The following DPYSL4 variants were observed in gnomAD, a reference collection of about 807,000 sequenced individuals.
DPYSL4 encodes dihydropyrimidinase like 4, also known as dihydropyrimidinase-related protein 4.
In DPYSL4, 43 loss-of-function variants were observed where a neutral mutation model predicts 63.4. The ratio of observed to expected loss-of-function variants is 0.68; its 90% confidence interval spans 0.53 to 0.88. DPYSL4 has a LOEUF of 0.88. Ranked by LOEUF, DPYSL4 falls within the 40% of genes least tolerant of loss-of-function variation. The pLI, the probability that DPYSL4 is intolerant of heterozygous loss-of-function variation, is 0.00. For missense variants in DPYSL4, 733 were observed against 819.5 expected (o/e 0.89, Z 1.29); for synonymous variants, 353 against 331.7 (o/e 1.06, Z -0.70).
Position 132,198,501 on chromosome 10 carries a change from C to A in DPYSL4, c.690+18C>A. On this transcript the variant is annotated intron_variant, in intron 7 of 13. Transcript: ENST00000338492. ...CCGAGGAGGTAAGATCCCAGGGCAC[C>A]ACAGCACACCCGAGCCAACTCCGCC... The A allele has an allele frequency of 6.3e-7, 1 of 1,590,360 alleles. No homozygotes were observed. Among genetic ancestry groups the A allele is most frequent in the Non-Finnish European group, 8.5e-7 (1 of 1,172,336 alleles).
chr10:132,191,791 T>C (rs1359613775), intron 2 of DPYSL4, among the ~76,000 whole-genome samples: 1 of 94,550 alleles, frequency 1.1e-5, no homozygotes, highest in Non-Finnish European at 2.2e-5. Flanking sequence ...CAGGTGCAAA[T>C]AGTTCCCAGC....
rs756471568 is a variant in DPYSL4, at chr10:132,196,850, C to T, written c.479-11C>T. The T allele has an allele frequency of 3.7e-6, 6 of 1,613,506 alleles. No individual in the cohort carries two copies. The East Asian group carries it at 1.1e-4, about 30-fold the overall frequency. ...TGATGGCTGAGCCTCTGACCCCTGC[C>T]TCTTCTCCAGGTGTGAACTCCTTCC... On this transcript the variant is annotated splice_polypyrimidine_tract_variant and intron_variant, in intron 4 of 13. Coordinates refer to ENST00000338492, the MANE Select transcript of DPYSL4 (RefSeq NM_006426.3).
chr10:132,191,650 G>A (rs60600714), intron 2 of DPYSL4, among the ~76,000 whole-genome samples: 1 of 49,168 alleles, frequency 2.0e-5, no homozygotes. Flanking sequence ...GTGTGTACAC[G>A]CTGGTCACGT....
In DPYSL4 at chr10:132,205,161, G is replaced by A. The variant is rs1216797873; in HGVS notation, c.*231G>A. On this transcript the variant is annotated 3_prime_UTR_variant, in exon 14 of 14. Coordinates refer to ENST00000338492, the MANE Select transcript of DPYSL4 (RefSeq NM_006426.3). ...GGAGATGTCACTGCCAGGGTGAGGT[G>A]GAGCCACATGGCAGGGACAATGCCG... 1 of 380,450 alleles carries A rather than the reference G, an allele frequency of 2.6e-6. No individual in the cohort carries two copies. The highest frequency in any genetic ancestry group is 4.7e-6 in the Non-Finnish European group (1 of 213,642). 23.6% of individuals were successfully genotyped at this position (380,450 alleles called of 1,614,324 possible).
chr10:132,197,000 C>T (rs753221819), intron 5 of DPYSL4, 21 bp from the exon 6 acceptor site: 74 of 1,611,926 alleles, frequency 4.6e-5, no homozygotes, highest in South Asian at 9.9e-5. Flanking sequence ...CCACCCAGGA[C>T]GCCACCACTT....
At chr10:132,194,732 C>T in intron 3 of DPYSL4, 113 bp from the exon 4 acceptor site, 3 of 1,397,768 alleles carry the variant, frequency 2.1e-6, no homozygotes, top group Admixed American at 3.8e-5. Context: ...GCTGTGTCTC[C>T]CTCAAATGGT....
chr10:132,201,801 G>A lies in DPYSL4; in HGVS notation c.1111-145G>A, dbSNP rs185326247. On this transcript the variant is annotated intron_variant, in intron 10 of 13. Transcript: ENST00000338492. ...GTCCTGCCGTCCAACCTTGTGGGGG[G>A]CCTGGTGGTCCAGCGTCTGTCCTCA... 3.8e-4 allele frequency: 323 copies of A among 859,452 alleles called. 1 individual carries two copies. In the African/African-American group the frequency reaches 5.2e-3, roughly 14 times the overall value. The allele number at this position is 859,452 out of a possible 1,614,324, so 53.2% of individuals were successfully genotyped here. A position where few individuals can be genotyped will look rare whatever the true frequency, so the allele number is the denominator to read the frequency against.
rs2061999297 is a variant in DPYSL4 at position 132,200,501 on chromosome 10, C to T, written c.957C>T (p.Cys319=). Residue 319 remains cysteine, a synonymous_variant, in exon 9 of 14, where the codon TGC becomes TGT. Transcript: ENST00000338492. ...PDPTTADHLT[C]LLSSGDLQVT... ...CCACCACGGCGGACCACCTCACCTG[C>T]TTGCTGTCCAGGTAAGCAGCCTCTC... is the stretch of plus-strand genomic sequence containing the variant. The T allele has an allele frequency of 6.2e-7, 1 of 1,612,964 alleles. No homozygotes were observed. The highest frequency in any genetic ancestry group is 1.1e-5 in the South Asian group (1 of 91,084).
intron 2 of DPYSL4, among the ~76,000 whole-genome samples, chr10:132,192,128 C>T (rs1311272191): frequency 6.6e-6 from 1 of 152,364 alleles, no homozygotes; most frequent in East Asian, 1.9e-4. Flanking sequence ...TGGGTGAAAT[C>T]CATGGGAGAG....
chr10:132,190,654 G>A, intron 1 of DPYSL4, 93 bp from the exon 2 acceptor site: 1 of 1,264,920 alleles, frequency 7.9e-7, no homozygotes, highest in African/African-American at 1.5e-5. Flanking sequence ...TTGCCTGAAT[G>A]TTTCAGTCAT....
At position 132,202,820 on chromosome 10, in the gene DPYSL4, A is replaced by G. The variant is rs1337951450; in HGVS notation, c.1456A>G (p.Asn486Asp). Residue 486 changes from asparagine to aspartate, a missense_variant, in exon 12 of 14, where the codon AAC (asparagine) becomes GAC (aspartate). Coordinates refer to ENST00000338492, the MANE Select transcript of DPYSL4 (RefSeq NM_006426.3). ...TGTCTACAAGAGGATCAAAGCTCGC[A>G]ACAGGGTAGGGCGGCACCCGCAAGG... ...DFVYKRIKAR[N>D]RLAEIHGVPR... 1.3e-6 allele frequency: 2 copies of G among 1,596,110 alleles called. No individual in the cohort carries two copies. The highest frequency in any genetic ancestry group is 1.3e-5 in the African/African-American group (1 of 74,934).
chr10:132,188,029 G>A (rs1055219297), intron 1 of DPYSL4, among the ~76,000 whole-genome samples: 11 of 152,172 alleles, frequency 7.2e-5, no homozygotes, highest in African/African-American at 2.7e-4. Context: ...CAGACTCTGA[G>A]CGAGGAAGGA....
intron 5 of DPYSL4, 39 bp from the exon 6 acceptor site, chr10:132,196,982 G>A (rs1158177569): frequency 1.1e-5 from 18 of 1,612,912 alleles, no homozygotes; most frequent in Non-Finnish European, 1.5e-5. Flanking sequence ...GCTGGTGCAG[G>A]CGCAGCCCCA....
rs760375152 is a variant in DPYSL4, at chr10:132,187,090, C to T, written c.27C>T (p.Ile9=). The change falls in exon 1 of 14, where the codon ATC becomes ATT. Residue 9 remains isoleucine, a synonymous_variant. Transcript: ENST00000338492. ...TGTCCTTCCAGGGCAAGAAAAGCATCCCCCGGATCACGGTGAGCCCGGTCC... is the reference window on the plus strand; with the variant it reads ...TGTCCTTCCAGGGCAAGAAAAGCATTCCCCGGATCACGGTGAGCCCGGTCC... MSFQGKKS[I]PRITSDRLLI... 4.0e-6 allele frequency: 6 copies of T among 1,499,558 alleles called. No homozygotes were observed. In the Admixed American group the frequency reaches 5.7e-5, roughly 14 times the overall value. 92.9% of individuals were successfully genotyped at this position (1,499,558 alleles called of 1,614,324 possible).
chr10:132,196,233 G>C (rs2061942209), intron 4 of DPYSL4, among the ~76,000 whole-genome samples: 1 of 152,224 alleles, frequency 6.6e-6, no homozygotes, highest in African/African-American at 2.4e-5. Context: ...CAAGTTCCGA[G>C]TCCTGGGGGA....
rs549173866 is a variant in DPYSL4 at position 132,198,564 on chromosome 10, C to T, written c.690+81C>T. ...GCCTGGGGCTGTGCTGACCCTGGCCCTGGGCTCCTGGCCCTGCCACTGTGC... is the reference window on the plus strand; with the variant it reads ...GCCTGGGGCTGTGCTGACCCTGGCCTTGGGCTCCTGGCCCTGCCACTGTGC... On this transcript the variant is annotated intron_variant, in intron 7 of 13. Coordinates refer to ENST00000338492, the MANE Select transcript of DPYSL4 (RefSeq NM_006426.3). The T allele has an allele frequency of 1.1e-5, 15 of 1,392,670 alleles. 1 individual carries two copies. The East Asian group carries it at 3.5e-4, about 33-fold the overall frequency. 86.3% of individuals were successfully genotyped at this position (1,392,670 alleles called of 1,614,324 possible). A position where few individuals can be genotyped will look rare whatever the true frequency, so the allele number is the denominator to read the frequency against.
chr10:132,202,440 CG>C (rs1166312637), intron 11 of DPYSL4, among the ~76,000 whole-genome samples: 1 of 152,222 alleles, frequency 6.6e-6, no homozygotes, highest in African/African-American at 2.4e-5. Context: ...TCGAGAGAAA[CG>C]GGACTCAGAA....
intron 9 of DPYSL4, 130 bp downstream of exon 9, chr10:132,200,642 C>A (rs2062001582): frequency 7.1e-7 from 1 of 1,406,502 alleles, no homozygotes; most frequent in South Asian, 1.4e-5. Flanking sequence ...GTGGGGAAGT[C>A]TGAGCCCTTT....
chr10:132,202,499 C>T (rs2062032025), intron 11 of DPYSL4, 147 bp from the exon 12 acceptor site: 2 of 1,071,432 alleles, frequency 1.9e-6, no homozygotes, highest in Admixed American at 5.7e-5. Context: ...GTTCCAACCC[C>T]TCAGTTCCAG....
Sources: gnomAD v4.1 joint callset for allele counts (sites outside exome capture counted in the v4.1 genomes callset) on GRCh38, gnomAD v4.1.1 for gene constraint, MANE v1.5 for transcripts, NCBI Gene and HGNC (gene_info 2026-07-23, HGNC 2026-07-21) for gene names.